The following LYPD6B variants were observed in gnomAD, a reference collection of about 807,000 sequenced individuals.
The protein encoded by LYPD6B is LY6/PLAUR domain containing 6B.
In LYPD6B, 17 loss-of-function variants were observed where a neutral mutation model predicts 22.8. The ratio of observed to expected loss-of-function variants is 0.75; its 90% CI spans 0.51 to 1.12. The LOEUF (loss-of-function observed/expected upper bound fraction) is 1.12, where lower values mean the gene tolerates loss of function less well. LYPD6B is among the 50% of genes most tolerant of loss of function. The pLI, the probability that LYPD6B is intolerant of heterozygous loss-of-function variation, is 0.00. For missense variants in LYPD6B, 221 were observed against 258.3 expected (o/e 0.86, Z 0.99); for synonymous variants, 106 against 91.6 (o/e 1.16, Z -0.90).
chr2:149,086,354 G>A (rs932329390), intron 1 of LYPD6B, among the ~76,000 whole-genome samples: 5 of 152,190 alleles, frequency 3.3e-5, no homozygotes, highest in African/African-American at 9.6e-5. Context: ...ATTGGGTCTC[G>A]TTTCATAGCA....
chr2:149,041,369 C>T (rs1158731560), intron 1 of LYPD6B, among the ~76,000 whole-genome samples: 2 of 152,178 alleles, frequency 1.3e-5, no homozygotes, highest in African/African-American at 2.4e-5. Context: ...CCGGGGCTTG[C>T]TGCTTAATCT....
intron 2 of LYPD6B, among the ~76,000 whole-genome samples, chr2:149,149,943 C>T (rs368031648): frequency 1.3e-5 from 2 of 152,160 alleles, no homozygotes; most frequent in African/African-American, 2.4e-5. Context: ...AAATAACATG[C>T]GTATACCACT....
At chr2:149,090,832 A>G (rs1448479325) in intron 1 of LYPD6B, among the ~76,000 whole-genome samples, 4 of 152,200 alleles carry the variant, frequency 2.6e-5, no homozygotes, top group Non-Finnish European at 4.4e-5. Context: ...GGCATTGATC[A>G]TTTTGAAATC....
At chr2:149,117,754 C>A (rs1388894543) in intron 1 of LYPD6B, among the ~76,000 whole-genome samples, 8 of 152,092 alleles carry the variant, frequency 5.3e-5, no homozygotes, top group Non-Finnish European at 1.0e-4. Context: ...CCAAATTATC[C>A]TTGTTATTAT....
chr2:149,041,831 A>T (rs1362366032), intron 1 of LYPD6B, among the ~76,000 whole-genome samples: 1 of 152,200 alleles, frequency 6.6e-6, no homozygotes, highest in Non-Finnish European at 1.5e-5. Flanking sequence ...TCTTGGTCCA[A>T]TTCCTCAACA....
chr2:149,103,144 G>C (rs1003990486), intron 1 of LYPD6B, among the ~76,000 whole-genome samples: 6 of 152,180 alleles, frequency 3.9e-5, no homozygotes, highest in African/African-American at 1.4e-4. Flanking sequence ...GGGAACTCAA[G>C]GCATTGTTTT....
chr2:149,195,502 A>G (rs1235094163), intron 3 of LYPD6B, among the ~76,000 whole-genome samples: 3 of 152,224 alleles, frequency 2.0e-5, no homozygotes, highest in Non-Finnish European at 2.9e-5. Flanking sequence ...ATTTACCAGA[A>G]GGCTGATAAA....
At chr2:149,185,261 A>C (rs1207231736) in intron 3 of LYPD6B, among the ~76,000 whole-genome samples, 1 of 152,208 alleles carries the variant, frequency 6.6e-6, no homozygotes, top group East Asian at 1.9e-4. Context: ...GCCCAAAACT[A>C]GAACAATCTC....
In LYPD6B at chr2:149,213,180, A is replaced by T. The variant is rs1390859556; in HGVS notation, c.459+58A>T. Reference sequence around the variant, plus strand: ...CTTTCATCCTAGTAATGTAAGTCGTAGATCAAAGGAGAGGCAGGAAGGATA... The same window carrying T: ...CTTTCATCCTAGTAATGTAAGTCGTTGATCAAAGGAGAGGCAGGAAGGATA... On this transcript the variant is annotated intron_variant, in intron 6 of 6. Transcript: ENST00000409642. The T allele has an allele frequency of 2.5e-6, 4 of 1,592,028 alleles. No individual in the cohort carries two copies. In the African/African-American group the frequency reaches 5.4e-5, roughly 21 times the overall value.
intron 3 of LYPD6B, among the ~76,000 whole-genome samples, chr2:149,164,577 G>C (rs892220082): frequency 6.6e-6 from 1 of 152,168 alleles, no homozygotes. Context: ...TTCTGGCTTT[G>C]TATTCTATTG....
chr2:149,180,305 A>G (rs1242356646), intron 3 of LYPD6B, among the ~76,000 whole-genome samples: 1 of 152,172 alleles, frequency 6.6e-6, no homozygotes, highest in African/African-American at 2.4e-5. Context: ...GTACAATGTT[A>G]TATGCTGTTA....
chr2:149,092,441 G>A (rs1285207426), intron 1 of LYPD6B, among the ~76,000 whole-genome samples: 3 of 152,164 alleles, frequency 2.0e-5, no homozygotes, highest in African/African-American at 4.8e-5. Context: ...CAAGACAGGC[G>A]TAAAATCTGG....
intron 2 of LYPD6B, among the ~76,000 whole-genome samples, chr2:149,133,514 G>T (rs569394687): frequency 6.6e-6 from 1 of 152,260 alleles, no homozygotes; most frequent in Admixed American, 6.5e-5. Context: ...CCTCCCTTTG[G>T]GAATATCTTA....
At chr2:149,175,061 C>CTGTG (rs1330239336) in intron 3 of LYPD6B, among the ~76,000 whole-genome samples, 1,426 of 112,962 alleles carry the variant, frequency 0.013, 20 homozygotes, top group South Asian at 0.041. Flanking sequence ...CTCTCTCTCT[C>CTGTG]TGTGTGTGTG....
At chr2:149,098,768 T>TTC (rs1390190918) in intron 1 of LYPD6B, among the ~76,000 whole-genome samples, 5 of 149,970 alleles carry the variant, frequency 3.3e-5, no homozygotes, top group African/African-American at 1.2e-4. Flanking sequence ...GCTTTTTCTT[T>TTC]TTTTTTTTTT....
chr2:149,122,281 C>T (rs1687409718), intron 1 of LYPD6B, among the ~76,000 whole-genome samples: 2 of 152,174 alleles, frequency 1.3e-5, no homozygotes, highest in African/African-American at 4.8e-5. Flanking sequence ...TTCTAGTCAT[C>T]TTGTGTTAGC....
At chr2:149,155,541 G>A (rs1014169412) in intron 2 of LYPD6B, among the ~76,000 whole-genome samples, 9 of 152,196 alleles carry the variant, frequency 5.9e-5, no homozygotes, top group African/African-American at 2.2e-4. Flanking sequence ...ATATTCATTT[G>A]TGGATACTTC....
chr2:149,198,757 GC>G lies in LYPD6B; in HGVS notation c.78-6495del, dbSNP rs1391477090. Among the ~76,000 whole-genome samples, 3 of 148,114 alleles carry G rather than the reference GC, an allele frequency of 2.0e-5. No homozygotes were observed. The Admixed American group carries it at 2.1e-4, about 10-fold the overall frequency. On this transcript the variant is annotated intron_variant, in intron 3 of 6. Coordinates refer to ENST00000409642, the MANE Select transcript of LYPD6B (RefSeq NM_177964.5). The stretch of plus-strand genomic sequence containing the variant: ...ATTTCTGATGAGTTTTTGATCCTAT[GC>G]TTGATGAGATTTTTTGTAAGTTTAG...
chr2:149,125,437 GA>G (rs764859561), intron 1 of LYPD6B, among the ~76,000 whole-genome samples: 4 of 152,156 alleles, frequency 2.6e-5, no homozygotes, highest in Admixed American at 6.6e-5. Flanking sequence ...AGGGGCCATG[GA>G]ATTCTCTGGA....
Sources: gnomAD v4.1 joint callset for allele counts (sites outside exome capture counted in the v4.1 genomes callset) on GRCh38, gnomAD v4.1.1 for gene constraint, MANE v1.5 for transcripts, NCBI Gene and HGNC (gene_info 2026-07-23, HGNC 2026-07-21) for gene names.